Variants in SP140L observed in about 807,000 individuals in gnomAD.
The protein encoded by SP140L is nuclear body protein SP140-like protein.
A neutral mutation model predicts 84.3 loss-of-function variants in SP140L; 64 were observed. The ratio of observed to expected loss-of-function variants is 0.76; its 90% CI spans 0.62 to 0.94. The LOEUF is 0.94. SP140L is among the 40% of genes least tolerant of loss of function. The pLI is 0.00. For missense variants in SP140L, 628 were observed against 692.5 expected (o/e 0.91, Z 1.05); for synonymous variants, 242 against 236.9 (o/e 1.02, Z -0.20).
At chr2:230,367,295 C>CTTTTTTTTTTTTTTTTTCT (rs200306286) in intron 5 of SP140L, among the ~76,000 whole-genome samples, 2 of 118,044 alleles carry the variant, frequency 1.7e-5, no homozygotes, top group Non-Finnish European at 3.4e-5. Context: ...TCTTTTTTTT[C>CTTTTTTTTTTTTTTTTTCT]TTTTTTTTTT....
intron 13 of SP140L, among the ~76,000 whole-genome samples, chr2:230,394,734 C>T (rs2061972739): frequency 6.6e-6 from 1 of 152,148 alleles, no homozygotes; most frequent in African/African-American, 2.4e-5. Context: ...AACAGAGGTC[C>T]CCCGAGTGGC....
At chr2:230,334,518 T>C (rs1268730931) in intron 2 of SP140L, among the ~76,000 whole-genome samples, 1 of 152,240 alleles carries the variant, frequency 6.6e-6, no homozygotes, top group Non-Finnish European at 1.5e-5. Context: ...TGATTTGTCC[T>C]GGAATTCCTG....
intron 2 of SP140L, among the ~76,000 whole-genome samples, chr2:230,351,666 C>T (rs566546620): frequency 2.2e-4 from 33 of 151,726 alleles, no homozygotes; most frequent in Non-Finnish European, 2.4e-4. Flanking sequence ...GGTTTTTTTT[C>T]GAGACGGAGT....
rs147028468 is a variant in SP140L at position 230,356,770 on chromosome 2, C to T, written c.108-1035C>T. On this transcript the variant is annotated intron_variant, in intron 2 of 18. Transcript: ENST00000415673. ...ATCCCCTACCTACTATTGCAACTAGCACTTTTCTGACCACTTTTTGTCTTC... is the reference window on the plus strand; with the variant it reads ...ATCCCCTACCTACTATTGCAACTAGTACTTTTCTGACCACTTTTTGTCTTC... Among the ~76,000 whole-genome samples the T allele has an allele frequency of 4.5e-3, 680 of 152,318 alleles. 1 individual carries two copies. Among genetic ancestry groups the T allele is most frequent in the African/African-American group, 0.016 (648 of 41,566 alleles).
At chr2:230,345,764 T>C (rs2060191193) in intron 2 of SP140L, among the ~76,000 whole-genome samples, 1 of 152,148 alleles carries the variant, frequency 6.6e-6, no homozygotes. Flanking sequence ...TCTACACTTT[T>C]GTTTCTCTCC....
chr2:230,340,092 G>T (rs1485104863), intron 2 of SP140L, among the ~76,000 whole-genome samples: 1 of 148,610 alleles, frequency 6.7e-6, no homozygotes. Flanking sequence ...ACAGTGGGGT[G>T]TTAAAGTCTC....
chr2:230,344,044 A>C (rs993748266), intron 2 of SP140L, among the ~76,000 whole-genome samples: 3 of 152,106 alleles, frequency 2.0e-5, no homozygotes, highest in African/African-American at 7.2e-5. Flanking sequence ...GGTCTACTTA[A>C]TCCAGAGCTG....
chr2:230,371,804 TC>T, intron 7 of SP140L, 153 bp downstream of exon 7: 1 of 675,106 alleles, frequency 1.5e-6, no homozygotes. Context: ...CACCTCCTAA[TC>T]CCTGGACCTG....
At chr2:230,347,361 G>A (rs761275430) in intron 2 of SP140L, among the ~76,000 whole-genome samples, 1 of 152,178 alleles carries the variant, frequency 6.6e-6, no homozygotes, top group East Asian at 1.9e-4. Context: ...CTCTTCCAGA[G>A]TAGAACCACT....
chr2:230,366,325 G>GCAA (rs770198665), intron 5 of SP140L, among the ~76,000 whole-genome samples: 37 of 152,030 alleles, frequency 2.4e-4, no homozygotes, highest in Non-Finnish European at 4.4e-4. Context: ...ATATTAGTGT[G>GCAA]CAATTATTAT....
At chr2:230,362,160 C>T (rs2060739465) in intron 5 of SP140L, among the ~76,000 whole-genome samples, 1 of 152,146 alleles carries the variant, frequency 6.6e-6, no homozygotes. Flanking sequence ...CCCACACCAA[C>T]CAGTTCTTCA....
chr2:230,392,963 T>A (rs1411795955), intron 12 of SP140L, among the ~76,000 whole-genome samples: 1 of 152,164 alleles, frequency 6.6e-6, no homozygotes, highest in African/African-American at 2.4e-5. Flanking sequence ...CTATTTATAT[T>A]TATCCTTCTG....
Position 230,371,605 on chromosome 2 carries a change from G to A in SP140L, c.591G>A (p.Val197=). 3.1e-6 allele frequency: 5 copies of A among 1,603,728 alleles called. No individual in the cohort carries two copies. The highest frequency in any genetic ancestry group is 4.3e-6 in the Non-Finnish European group (5 of 1,173,410). Residue 197 remains valine (V), a synonymous_variant, in exon 7 of 19, where the codon GTG becomes GTA. Transcript: ENST00000415673. ...SDQACGKMDT[V]DIANNSTLGK... is the part of the protein sequence containing the mutation. ...CCACTTGTTATTTTCTAGATACTGTGGATATTGCAAACAACTCTACTTTGG... is the reference window on the plus strand; with the variant it reads ...CCACTTGTTATTTTCTAGATACTGTAGATATTGCAAACAACTCTACTTTGG...
intron 7 of SP140L, among the ~76,000 whole-genome samples, chr2:230,374,075 G>A (rs2061168676): frequency 6.6e-6 from 1 of 152,172 alleles, no homozygotes; most frequent in Non-Finnish European, 1.5e-5. Context: ...CAGCACTTTG[G>A]GAGGCCAAGG....
At position 230,359,051 on chromosome 2, in the gene SP140L, T is replaced by C. The variant is rs1402240093; in HGVS notation, c.358T>C (p.Ser120Pro). Reference protein sequence around the residue: ...LSELEKTFNLSVLEALFSEVN... With the variant: ...LSELEKTFNLPVLEALFSEVN... ...TGAACTGGAGAAGACATTTAACCTGTCAGTTTTGGAAGCACTGTTCAGCGA... is the reference window on the plus strand; with the variant it reads ...TGAACTGGAGAAGACATTTAACCTGCCAGTTTTGGAAGCACTGTTCAGCGA... The change falls in exon 4 of 19, where the codon TCA becomes CCA. Residue 120 changes from serine (S) to proline (P), a missense_variant. Coordinates refer to ENST00000415673, the MANE Select transcript of SP140L (RefSeq NM_138402.6). 3 of 1,613,934 alleles carry C rather than the reference T, an allele frequency of 1.9e-6. No homozygotes were observed. In the South Asian group the frequency reaches 3.3e-5, roughly 18 times the overall value.
chr2:230,392,905 G>A (rs891595736), intron 12 of SP140L, among the ~76,000 whole-genome samples: 3 of 152,120 alleles, frequency 2.0e-5, no homozygotes, highest in Non-Finnish European at 4.4e-5. Context: ...ATAGCCATGG[G>A]TCCTCCCTTC....
At chr2:230,357,690 C>G (rs1316508390) in intron 2 of SP140L, 115 bp from the exon 3 acceptor site, 5 of 1,022,226 alleles carry the variant, frequency 4.9e-6, no homozygotes, top group Non-Finnish European at 7.2e-6. Flanking sequence ...TGAGGACCAC[C>G]TATTTTATAT....
At chr2:230,359,954 A>G (rs902262289) in intron 4 of SP140L, among the ~76,000 whole-genome samples, 1 of 152,186 alleles carries the variant, frequency 6.6e-6, no homozygotes, top group Non-Finnish European at 1.5e-5. Flanking sequence ...ATACCAAACT[A>G]AAGTTTGGTA....
chr2:230,357,139 G>A (rs1306265536), intron 2 of SP140L, among the ~76,000 whole-genome samples: 1 of 152,164 alleles, frequency 6.6e-6, no homozygotes, highest in African/African-American at 2.4e-5. Flanking sequence ...AGCGATTTCT[G>A]AAATTCAGAT....
Sources: gnomAD v4.1 joint callset for allele counts (sites outside exome capture counted in the v4.1 genomes callset) on GRCh38, gnomAD v4.1.1 for gene constraint, MANE v1.5 for transcripts, NCBI Gene and HGNC (gene_info 2026-07-23, HGNC 2026-07-21) for gene names.